The following TMEM178B variants were observed in gnomAD, a reference collection of about 807,000 sequenced individuals.
TMEM178B encodes the protein transmembrane protein 178B.
TMEM178B carries 5 observed loss-of-function variants against 31.0 expected under a neutral mutation model. The ratio of observed to expected loss-of-function variants is 0.16; its 90% CI spans 0.08 to 0.34. The LOEUF is 0.34. Ranked by LOEUF, TMEM178B falls within the 10% of genes least tolerant of loss-of-function variation. The pLI is 1.00. For synonymous variants in TMEM178B, 164 were observed against 164.0 expected (o/e 1.00, Z 0.00); for missense variants, 275 against 400.3 (o/e 0.69, Z 2.67).
intron 1 of TMEM178B, among the ~76,000 whole-genome samples, chr7:141,094,955 C>T (rs552375892): frequency 4.6e-5 from 7 of 152,270 alleles, no homozygotes; most frequent in South Asian, 4.1e-4. Flanking sequence ...TTTTTAAAAA[C>T]GAAGTGCAAT....
intron 2 of TMEM178B, among the ~76,000 whole-genome samples, chr7:141,252,721 T>G (rs772613131): frequency 6.6e-5 from 10 of 152,186 alleles, no homozygotes; most frequent in Non-Finnish European, 1.3e-4. Context: ...CTGGATGAAA[T>G]TGAGTCAAAG....
chr7:141,078,607 G>C (rs572890861), intron 1 of TMEM178B, among the ~76,000 whole-genome samples: 2 of 152,182 alleles, frequency 1.3e-5, no homozygotes, highest in African/African-American at 4.8e-5. Flanking sequence ...AGGATGATGA[G>C]AGCAGCAACA....
At chr7:141,510,685 C>CAAAAAAAAAAAAAAAAAAAAAA in the TMEM178B span, among the ~76,000 whole-genome samples, 19 of 24,964 alleles carry the variant, frequency 7.6e-4, 3 homozygotes, top group Non-Finnish European at 1.0e-3. Context: ...AACTCCGTCT[C>CAAAAAAAAAAAAAAAAAAAAAA]AAAAAAAAAA....
chr7:141,281,125 G>C (rs1484480087), intron 2 of TMEM178B, among the ~76,000 whole-genome samples: 4 of 151,992 alleles, frequency 2.6e-5, no homozygotes, highest in Non-Finnish European at 5.9e-5. Context: ...AAGGCACCCT[G>C]TTACCGGAGA....
Position 141,114,738 on chromosome 7 carries a change from A to G in TMEM178B, c.382+40046A>G, listed in dbSNP as rs532577337. ...CACTCCTGTTCTTTGGATCCATCCCAGATAACCTACTGCATATAAACTATT... is the reference window on the plus strand; with the variant it reads ...CACTCCTGTTCTTTGGATCCATCCCGGATAACCTACTGCATATAAACTATT... On this transcript the variant is annotated intron_variant, in intron 1 of 3. Transcript: ENST00000565468. Among the ~76,000 whole-genome samples the G allele has an allele frequency of 9.2e-5, 14 of 152,332 alleles. No individual in the cohort carries two copies. In the East Asian group the frequency reaches 2.7e-3, roughly 29 times the overall value.
chr7:141,229,193 GC>G (rs1225764392), intron 2 of TMEM178B, among the ~76,000 whole-genome samples: 3 of 151,208 alleles, frequency 2.0e-5, no homozygotes, highest in South Asian at 4.2e-4. Context: ...TCAATTGGAG[GC>G]TGAATATGAT....
rs532109443 is a variant in TMEM178B at position 141,470,046 on chromosome 7, G to T, written c.635-490G>T. On this transcript the variant is annotated intron_variant, in intron 3 of 3. Transcript: ENST00000565468. ...AATATTTCCAGGTTTTGGAAGAATTGTTGGTGAACAGATTAAAGGAAAACC... is the reference window on the plus strand; with the variant it reads ...AATATTTCCAGGTTTTGGAAGAATTTTTGGTGAACAGATTAAAGGAAAACC... 1.1e-4 allele frequency among the ~76,000 whole-genome samples: 17 copies of T among 152,332 alleles called. 1 individual carries two copies. The highest frequency in any genetic ancestry group is 4.1e-4 in the African/African-American group (17 of 41,590).
chr7:141,385,743 T>C (rs1263218702), intron 2 of TMEM178B, among the ~76,000 whole-genome samples: 2 of 152,212 alleles, frequency 1.3e-5, no homozygotes, highest in East Asian at 3.8e-4. Context: ...GACCACCTGT[T>C]GGTCTTATTA....
At chr7:141,139,497 C>T (rs1795732460) in intron 1 of TMEM178B, among the ~76,000 whole-genome samples, 1 of 151,926 alleles carries the variant, frequency 6.6e-6, no homozygotes, top group Non-Finnish European at 1.5e-5. Flanking sequence ...ACTACAGGGA[C>T]ATGCCACCAT....
At chr7:141,289,228 A>C (rs888039275) in intron 2 of TMEM178B, among the ~76,000 whole-genome samples, 1 of 152,114 alleles carries the variant, frequency 6.6e-6, no homozygotes, top group Non-Finnish European at 1.5e-5. Context: ...GCTCCAAATC[A>C]CTGTCTGGGC....
intron 1 of TMEM178B, among the ~76,000 whole-genome samples, chr7:141,183,912 G>A (rs908864089): frequency 6.6e-6 from 1 of 152,222 alleles, no homozygotes; most frequent in South Asian, 2.1e-4. Flanking sequence ...GGACAGCCAG[G>A]TTTGGCCTCA....
At chr7:141,125,350 C>T (rs142275902) in intron 1 of TMEM178B, among the ~76,000 whole-genome samples, 1 of 152,218 alleles carries the variant, frequency 6.6e-6, no homozygotes, top group East Asian at 1.9e-4. Flanking sequence ...AAAAACTCCC[C>T]AAACTGAAAC....
chr7:141,168,321 A>G (rs1230323369), intron 1 of TMEM178B, among the ~76,000 whole-genome samples: 4 of 152,166 alleles, frequency 2.6e-5, no homozygotes, highest in Non-Finnish European at 5.9e-5. Flanking sequence ...CCTTCCAGAG[A>G]CACATCCTGC....
At chr7:141,401,650 C>T (rs1800775892) in intron 2 of TMEM178B, among the ~76,000 whole-genome samples, 1 of 152,012 alleles carries the variant, frequency 6.6e-6, no homozygotes, top group Non-Finnish European at 1.5e-5. Context: ...AAGAGATTCT[C>T]CCAACTTGGC....
intron 2 of TMEM178B, among the ~76,000 whole-genome samples, chr7:141,347,130 G>A (rs540423242): frequency 1.3e-5 from 2 of 152,284 alleles, no homozygotes; most frequent in South Asian, 2.1e-4. Context: ...TGGTAAGTCT[G>A]CAGAACTGTG....
At chr7:141,323,106 AAT>A (rs1799129983) in intron 2 of TMEM178B, among the ~76,000 whole-genome samples, 1 of 152,186 alleles carries the variant, frequency 6.6e-6, no homozygotes, top group African/African-American at 2.4e-5. Flanking sequence ...CTTTTCACAG[AAT>A]GTTAAGTTTA....
intron 1 of TMEM178B, among the ~76,000 whole-genome samples, chr7:141,167,197 A>G (rs555812968): frequency 1.5e-4 from 23 of 152,336 alleles, no homozygotes; most frequent in Middle Eastern, 3.4e-3. Flanking sequence ...ACATGGAACT[A>G]GTCTCCTGAC....
Position 141,234,077 on chromosome 7 carries a change from G to C in TMEM178B, c.496+21373G>C, listed in dbSNP as rs559929962. The stretch of plus-strand genomic sequence containing the variant: ...AGATGTATGGTCCAGATTGCACTGG[G>C]AGAAGGTGACTACTCTCTTTTGCCT... On this transcript the variant is annotated intron_variant, in intron 2 of 3. Transcript: ENST00000565468. Among the ~76,000 whole-genome samples, 7 of 152,358 alleles carry C rather than the reference G, an allele frequency of 4.6e-5. No individual in the cohort carries two copies. In the East Asian group the frequency reaches 1.3e-3, roughly 29 times the overall value.
chr7:141,279,117 G>A (rs1798313250), intron 2 of TMEM178B, among the ~76,000 whole-genome samples: 1 of 152,206 alleles, frequency 6.6e-6, no homozygotes, highest in South Asian at 2.1e-4. Flanking sequence ...ATGGGTCCTT[G>A]TCTTGGATTA....
Sources: allele counts gnomAD v4.1 joint callset (sites outside exome capture counted in the v4.1 genomes callset), GRCh38; gene constraint gnomAD v4.1.1; transcripts MANE v1.5; gene names NCBI Gene and HGNC (gene_info 2026-07-23, HGNC 2026-07-21).